The following DYM variants were observed in gnomAD, a reference collection of about 807,000 sequenced individuals.
The protein encoded by DYM is dyggve-Melchior-Clausen syndrome protein.
DYM carries 78 observed loss-of-function variants against 93.1 expected under a neutral mutation model. The observed-to-expected ratio is 0.84, with a 90% confidence interval of 0.70 to 1.01. The LOEUF (loss-of-function observed/expected upper bound fraction) is 1.01, where lower values mean the gene tolerates loss of function less well. DYM is among the 50% of genes least tolerant of loss of function. The probability of loss-of-function intolerance (pLI) is 0.00; values close to 1 mark genes in which losing one functional copy is unlikely to be tolerated. For missense variants in DYM, 789 were observed against 845.0 expected (o/e 0.93, Z 0.82); for synonymous variants, 321 against 319.7 (o/e 1.00, Z -0.04).
chr18:49,402,026 C>CA (rs61550965), intron 2 of DYM, among the ~76,000 whole-genome samples: 3,248 of 104,526 alleles, frequency 0.031, 111 homozygotes, highest in South Asian at 0.097. Context: ...AACTCTGTCT[C>CA]AAAAAAAAAA....
At chr18:49,100,922 T>C (rs1487658370) in intron 16 of DYM, among the ~76,000 whole-genome samples, 2 of 152,182 alleles carry the variant, frequency 1.3e-5, no homozygotes, top group Non-Finnish European at 2.9e-5. Context: ...ATTAGCTTAG[T>C]TTTTCAAATA....
chr18:49,202,601 C>G (rs374913453), intron 14 of DYM, among the ~76,000 whole-genome samples: 1 of 123,776 alleles, frequency 8.1e-6, no homozygotes, highest in African/African-American at 3.2e-5. Context: ...CGTCTCTGCC[C>G]GGCCGCCCAT....
chr18:49,141,243 T>C (rs2084457297), intron 15 of DYM, among the ~76,000 whole-genome samples: 1 of 152,226 alleles, frequency 6.6e-6, no homozygotes, highest in South Asian at 2.1e-4. Context: ...TCTCTCAGCA[T>C]GTTGACAACT....
chr18:49,173,631 C>T (rs1179606717), intron 14 of DYM, among the ~76,000 whole-genome samples: 1 of 152,000 alleles, frequency 6.6e-6, no homozygotes, highest in African/African-American at 2.4e-5. Context: ...CTGACAATAA[C>T]AAATTTAACA....
rs2092420868 is a variant in DYM, at chr18:49,205,407, T to G, written c.1625+4144A>C. ...GTCAAGGTGTGCCTGCTTTTAAAAA[T>G]CACTCCAGTCTTAGGACAAATTAAG... On this transcript the variant is annotated intron_variant, in intron 14 of 17. Coordinates refer to ENST00000675505, the MANE Select transcript of DYM (RefSeq NM_001353214.3). Among the ~76,000 whole-genome samples, 5 of 152,270 alleles carry G rather than the reference T, an allele frequency of 3.3e-5. No individual in the cohort carries two copies. In the South Asian group the frequency reaches 1.0e-3, roughly 32 times the overall value.
chr18:49,118,825 G>A lies in DYM; in HGVS notation c.1830C>T (p.Tyr610=), dbSNP rs374694185. 79 of 1,614,054 alleles carry A rather than the reference G, an allele frequency of 4.9e-5. 1 individual carries two copies. Among genetic ancestry groups the A allele is most frequent in the South Asian group, 1.4e-4 (13 of 91,080 alleles). The part of the protein sequence containing the change: ...NSLHHNPNLV[Y]ALLYKRDLFE... Reference sequence around the variant, plus strand: ...AGAGATCGCGTTTGTAAAGCAGGGCGTATACCAAGTTTGGGTTGTGGTGAA... The same window carrying A: ...AGAGATCGCGTTTGTAAAGCAGGGCATATACCAAGTTTGGGTTGTGGTGAA... The change falls in exon 16 of 18, where the codon TAC becomes TAT. Residue 610 remains tyrosine, a synonymous_variant. Transcript: ENST00000675505.
intron 17 of DYM, among the ~76,000 whole-genome samples, chr18:49,054,147 T>G (rs934282575): frequency 2.0e-5 from 3 of 152,162 alleles, no homozygotes; most frequent in Non-Finnish European, 4.4e-5. Context: ...ATATTATAAT[T>G]TAACAAAAAG....
At chr18:49,119,992 TG>T (rs1342193104) in intron 15 of DYM, among the ~76,000 whole-genome samples, 3 of 144,786 alleles carry the variant, frequency 2.1e-5, no homozygotes, top group Non-Finnish European at 4.5e-5. Context: ...GGGGGGAGGA[TG>T]GCTTAAGCCT....
At chr18:49,177,299 T>C (rs1953844030) in intron 14 of DYM, among the ~76,000 whole-genome samples, 1 of 152,122 alleles carries the variant, frequency 6.6e-6, no homozygotes, top group African/African-American at 2.4e-5. Context: ...ATAAAGCATG[T>C]TTACTATATG....
chr18:49,069,778 C>CA (rs2076742022), intron 17 of DYM, among the ~76,000 whole-genome samples: 1 of 152,168 alleles, frequency 6.6e-6, no homozygotes, highest in Non-Finnish European at 1.5e-5. Flanking sequence ...CATGGTGGCT[C>CA]ACGCCTGTAA....
At chr18:49,194,420 G>A (rs2091252840) in intron 14 of DYM, among the ~76,000 whole-genome samples, 1 of 151,972 alleles carries the variant, frequency 6.6e-6, no homozygotes, top group Admixed American at 6.6e-5. Context: ...CATCTGGTGG[G>A]AAAAAAGGAT....
intron 17 of DYM, among the ~76,000 whole-genome samples, chr18:49,051,947 G>A (rs1274789814): frequency 2.0e-5 from 3 of 152,344 alleles, no homozygotes; most frequent in East Asian, 1.9e-4. Flanking sequence ...CGCATTCCCC[G>A]AACCATAGCG....
At chr18:49,286,908 G>A (rs1404020893) in intron 8 of DYM, among the ~76,000 whole-genome samples, 1 of 152,110 alleles carries the variant, frequency 6.6e-6, no homozygotes, top group Non-Finnish European at 1.5e-5. Flanking sequence ...AAAAATTAAT[G>A]CAAGCCGGGT....
rs372471323 is a variant in DYM at position 49,110,892 on chromosome 18, CAT to C, written c.1911+7850_1911+7851del. Among the ~76,000 whole-genome samples the C allele has an allele frequency of 1.5e-3, 222 of 152,232 alleles. 4 individuals carry two copies. Among genetic ancestry groups the C allele is most frequent in the South Asian group, 0.014 (67 of 4,822 alleles). On this transcript the variant is annotated intron_variant, in intron 16 of 17. Transcript: ENST00000675505. ...TTGGATGATAGGTTCTCATTTTTCA[CAT>C]GTTTTTCTTATTGTATTTATTTGCA...
At chr18:49,192,075 T>C (rs1004585516) in intron 14 of DYM, among the ~76,000 whole-genome samples, 2 of 150,658 alleles carry the variant, frequency 1.3e-5, no homozygotes, top group African/African-American at 4.9e-5. Context: ...ACTATACATA[T>C]GTGCCACCAT....
At chr18:49,254,227 G>C (rs2145057291) in intron 13 of DYM, among the ~76,000 whole-genome samples, 1 of 148,566 alleles carries the variant, frequency 6.7e-6, no homozygotes, top group South Asian at 2.1e-4. Flanking sequence ...GTAATATTAA[G>C]ATATAATAAT....
intron 6 of DYM, among the ~76,000 whole-genome samples, chr18:49,344,116 GT>G (rs2064382707): frequency 6.6e-6 from 1 of 152,096 alleles, no homozygotes; most frequent in Non-Finnish European, 1.5e-5. Context: ...GATGACTGAT[GT>G]TTTTCAAAAG....
intron 15 of DYM, among the ~76,000 whole-genome samples, chr18:49,136,298 T>TA (rs1447484233): frequency 2.6e-5 from 4 of 152,242 alleles, no homozygotes; most frequent in South Asian, 4.1e-4. Context: ...GCACTGGACT[T>TA]ACATTTTCAA....
chr18:49,321,539 CTT>C (rs990639528), intron 8 of DYM, among the ~76,000 whole-genome samples: 2 of 152,020 alleles, frequency 1.3e-5, no homozygotes, highest in African/African-American at 4.8e-5. Flanking sequence ...TTTAAAACAC[CTT>C]TTAAGAAGTC....
Sources: allele counts gnomAD v4.1 joint callset (sites outside exome capture counted in the v4.1 genomes callset), GRCh38; gene constraint gnomAD v4.1.1; transcripts MANE v1.5; gene names NCBI Gene and HGNC (gene_info 2026-07-23, HGNC 2026-07-21).